FAM220A: variants seen among roughly 807,000 people sequenced by gnomAD.
The protein encoded by FAM220A is family with sequence similarity 220 member A.
For synonymous variants in FAM220A, 141 were observed against 130.7 expected (o/e 1.08, Z -0.54); for missense variants, 392 against 321.6 (o/e 1.22, Z -1.68).
chr7:6,336,773 G>A (rs1214819991), intron 1 of FAM220A, among the ~76,000 whole-genome samples: 7 of 150,922 alleles, frequency 4.6e-5, no homozygotes, highest in Admixed American at 1.3e-4. Context: ...CCTCACCTTA[G>A]CCTCCCAAGC....
At chr7:6,339,474 G>A (rs2115139863) in intron 1 of FAM220A, among the ~76,000 whole-genome samples, 1 of 151,868 alleles carries the variant, frequency 6.6e-6, no homozygotes. Flanking sequence ...AAAACCAGCT[G>A]TGTACCCCTT....
rs529232602 is a variant in FAM220A at position 6,345,994 on chromosome 7, C to G, written c.-82+2579G>C. Among the ~76,000 whole-genome samples the G allele has an allele frequency of 3.5e-3, 529 of 152,196 alleles. 5 individuals carry two copies. Among genetic ancestry groups the G allele is most frequent in the Non-Finnish European group, 6.0e-3 (409 of 68,014 alleles). On this transcript the variant is annotated intron_variant, in intron 1 of 1. Transcript: ENST00000313324. ...ATATTGTCCAGGCTGGTCTTAAACT[C>G]CTGACCTCAAGTGATCCGCCTGCTT...
At chr7:6,333,058 G>A (rs914750072) in intron 1 of FAM220A, among the ~76,000 whole-genome samples, 3 of 151,754 alleles carry the variant, frequency 2.0e-5, no homozygotes, top group African/African-American at 4.8e-5. Flanking sequence ...CAGGGAGGCT[G>A]AAGCGAGAGA....
At chr7:6,342,590 G>A (rs979236402) in intron 1 of FAM220A, among the ~76,000 whole-genome samples, 9 of 152,174 alleles carry the variant, frequency 5.9e-5, no homozygotes, top group African/African-American at 1.9e-4. Flanking sequence ...ATATGATCCA[G>A]CAATTCTGCT....
intron 1 of FAM220A, chr7:6,338,741 C>T (rs1781794355): frequency 6.6e-6 from 1 of 152,340 alleles, no homozygotes; most frequent in African/African-American, 2.4e-5. Flanking sequence ...GTACCCTCAC[C>T]TTCCCTAACC....
intron 1 of FAM220A, among the ~76,000 whole-genome samples, chr7:6,332,317 A>G (rs749147095): frequency 4.6e-5 from 7 of 152,038 alleles, no homozygotes; most frequent in Non-Finnish European, 8.8e-5. Flanking sequence ...AAATAGTCTA[A>G]TTAGTTTAAT....
chr7:6,333,202 G>A (rs1397566188), intron 1 of FAM220A, among the ~76,000 whole-genome samples: 2 of 151,750 alleles, frequency 1.3e-5, no homozygotes, highest in African/African-American at 4.8e-5. Context: ...AAAAACACTG[G>A]GGAGAAAATG....
At chr7:6,347,020 C>G (rs1781964509) in intron 1 of FAM220A, among the ~76,000 whole-genome samples, 1 of 152,176 alleles carries the variant, frequency 6.6e-6, no homozygotes. Flanking sequence ...GACAACCTTT[C>G]CTTCCACTAG....
At position 6,331,092 on chromosome 7, in the gene FAM220A, A is replaced by C; in HGVS notation, c.63T>G (p.Gly21=). The change falls in exon 2 of 2, where the codon GGT becomes GGG. Residue 21 remains glycine, a synonymous_variant. Transcript: ENST00000313324. ...GGCTGCATGATAGTTTGTCCGAGTC[A>C]CCTCCTCCGGCCTGCTGCACTTGTG... The part of the protein sequence containing the change: ...CLAQVQQAGG[G]DSDKLSCSLK... The C allele has an allele frequency of 1.9e-6, 3 of 1,613,278 alleles. No homozygotes were observed.
At chr7:6,341,758 G>A (rs1048253117) in intron 1 of FAM220A, 5 of 152,038 alleles carry the variant, frequency 3.3e-5, no homozygotes, top group Admixed American at 3.3e-4. Flanking sequence ...AGCACTTTGG[G>A]AGGCCAAGGT....
intron 1 of FAM220A, chr7:6,341,728 T>C (rs1210003047): frequency 6.7e-6 from 1 of 149,564 alleles, no homozygotes; most frequent in Admixed American, 6.7e-5. Flanking sequence ...CCAGGTGCAG[T>C]GGCTCACCCC....
rs201671183 is a variant in FAM220A, at chr7:6,330,536, C to A, written c.619G>T (p.Glu207Ter). The change falls in exon 2 of 2, where the codon GAG (glutamate) becomes TAG (stop). Residue 207 changes from glutamate to a stop codon, truncating the protein, a stop_gained. Coordinates refer to ENST00000313324, the MANE Select transcript of FAM220A (RefSeq NM_001037163.2). LOFTEE classifies it low-confidence loss of function (END_TRUNC). ...HVYPEVLLSE[E>*]TKRIFLDRLK... ...CGGTCAAGGAAAATGCGTTTTGTCTCCTCACTCAGGAGCACTTCGGGATAC... is the reference window on the plus strand; with the variant it reads ...CGGTCAAGGAAAATGCGTTTTGTCTACTCACTCAGGAGCACTTCGGGATAC... The A allele has an allele frequency of 1.5e-4, 246 of 1,614,040 alleles. No homozygotes were observed. Among genetic ancestry groups the A allele is most frequent in the Non-Finnish European group, 2.0e-4 (236 of 1,180,038 alleles).
intron 1 of FAM220A, among the ~76,000 whole-genome samples, chr7:6,339,671 G>C (rs371155846): frequency 1.9e-4 from 29 of 151,892 alleles, no homozygotes; most frequent in African/African-American, 6.0e-4. Context: ...TTTTAGTAGA[G>C]ACAGGGTTTC....
intron 1 of FAM220A, among the ~76,000 whole-genome samples, chr7:6,343,411 T>C (rs1187782718): frequency 4.0e-5 from 2 of 50,504 alleles, no homozygotes; most frequent in African/African-American, 1.3e-4. Flanking sequence ...TATATATATA[T>C]ATATATATAT....
Position 6,347,077 on chromosome 7 carries a change from A to C in FAM220A, c.-82+1496T>G, listed in dbSNP as rs1027653688. On this transcript the variant is annotated intron_variant, in intron 1 of 1. Transcript: ENST00000313324. Reference sequence around the variant, plus strand: ...CTCACTGGGTTCTGACTGTAATCCTAGTGCTTTGGGAGGGCAAGGCAGGAG... The same window carrying C: ...CTCACTGGGTTCTGACTGTAATCCTCGTGCTTTGGGAGGGCAAGGCAGGAG... 7.5e-4 allele frequency among the ~76,000 whole-genome samples: 114 copies of C among 152,320 alleles called. 2 individuals carry two copies. Among genetic ancestry groups the C allele is most frequent in the Middle Eastern group, 6.8e-3 (2 of 294 alleles).
In FAM220A at chr7:6,339,590, T is replaced by G. The variant is rs1781809446; in HGVS notation, c.-81-8355A>C. Among the ~76,000 whole-genome samples, 4 of 151,770 alleles carry G rather than the reference T, an allele frequency of 2.6e-5. No homozygotes were observed. The South Asian group carries it at 8.3e-4, about 32-fold the overall frequency. On this transcript the variant is annotated intron_variant, in intron 1 of 1. Transcript: ENST00000313324. ...GCTCCGCCTCCCAGGTTCACGCCAT[T>G]CCGCTGCCTCAGCCTCCGGAGTAGC...
intron 1 of FAM220A, among the ~76,000 whole-genome samples, chr7:6,333,777 T>C (rs1366509390): frequency 6.6e-6 from 1 of 151,604 alleles, no homozygotes; most frequent in Non-Finnish European, 1.5e-5. Flanking sequence ...AGTGTCTTTT[T>C]TTTTTTTTTA....
chr7:6,330,960 C>T lies in FAM220A; in HGVS notation c.195G>A (p.Met65Ile). Residue 65 changes from methionine (M) to isoleucine (I), a missense_variant, in exon 2 of 2, where the codon ATG becomes ATA. Physicochemically the swap from Met to Ile is conservative, Grantham distance 10 (BLOSUM62 1). Transcript: ENST00000313324. ...GGCCAGCCCCGCTCGGATCCTTTCT[C>T]ATTTCCAGTGATAATGCCTCACTTT... The part of the protein sequence containing the change: ...NSQSEALSLE[M>I]RKDPSGAGLW... 1 of 1,614,254 alleles carries T rather than the reference C, an allele frequency of 6.2e-7. No homozygotes were observed. Among genetic ancestry groups the T allele is most frequent in the Non-Finnish European group, 8.5e-7 (1 of 1,180,054 alleles).
At chr7:6,337,447 G>T (rs1279062423) in intron 1 of FAM220A, among the ~76,000 whole-genome samples, 1 of 151,490 alleles carries the variant, frequency 6.6e-6, no homozygotes, top group Non-Finnish European at 1.5e-5. Context: ...AAGAAAAACA[G>T]GTCATATAAT....
Sources: allele counts gnomAD v4.1 joint callset (sites outside exome capture counted in the v4.1 genomes callset), GRCh38; gene constraint gnomAD v4.1.1; transcripts MANE v1.5; gene names NCBI Gene and HGNC (gene_info 2026-07-23, HGNC 2026-07-21).